The following RPS6KB1 variants were observed in gnomAD, a reference collection of about 807,000 sequenced individuals.
The protein encoded by RPS6KB1 is ribosomal protein S6 kinase beta-1.
In RPS6KB1, 12 loss-of-function variants were observed where a neutral mutation model predicts 70.2. That is an observed-to-expected ratio of 0.17 (90% confidence interval 0.11 to 0.28). The LOEUF is 0.28. RPS6KB1 is among the 10% of genes least tolerant of loss of function. RPS6KB1 has a pLI of 1.00. For synonymous variants in RPS6KB1, 175 were observed against 211.2 expected (o/e 0.83, Z 1.49); for missense variants, 270 against 646.6 (o/e 0.42, Z 6.32).
chr17:59,918,720 T>G (rs1598737071), intron 4 of RPS6KB1, among the ~76,000 whole-genome samples: 1 of 152,170 alleles, frequency 6.6e-6, no homozygotes, highest in Non-Finnish European at 1.5e-5. Context: ...GTTTTACGCA[T>G]GTTCTTTTTT....
chr17:59,909,179 C>T (rs1360953118), intron 1 of RPS6KB1, among the ~76,000 whole-genome samples: 1 of 146,926 alleles, frequency 6.8e-6, no homozygotes, highest in Admixed American at 6.9e-5. Flanking sequence ...CTGCCCGCCT[C>T]GGCCTCCCAA....
chr17:59,910,593 G>C lies in RPS6KB1; in HGVS notation c.173G>C (p.Gly58Ala), dbSNP rs775831949. 1.9e-6 allele frequency: 3 copies of C among 1,592,102 alleles called. No homozygotes were observed. Among genetic ancestry groups the C allele is most frequent in the Non-Finnish European group, 1.7e-6 (2 of 1,166,924 alleles). ...TTAAATGAAAGCATGGACCATGGGG[G>C]AGTTGGACCATATGAACTGTAAGTT... ...GQLNESMDHG[G>A]VGPYELGMEH... The change falls in exon 2 of 15, where the codon GGA becomes GCA. Residue 58 changes from glycine (G) to alanine (A), a missense_variant. Around this residue, in one of 4 missense-constraint regions of RPS6KB1, gnomAD observed 72 missense variants for 93.4 expected, o/e 0.77. Coordinates refer to ENST00000225577, the MANE Select transcript of RPS6KB1 (RefSeq NM_003161.4).
rs1160505259 is a variant in RPS6KB1 at position 59,950,230 on chromosome 17, T to G, written c.*3442T>G. 6.6e-6 allele frequency: 1 copy of G among 152,580 alleles called. No individual in the cohort carries two copies. Among genetic ancestry groups the G allele is most frequent in the Non-Finnish European group, 1.5e-5 (1 of 67,962 alleles). The allele number at this position is 152,580 out of a possible 1,614,324, so 9.5% of individuals were successfully genotyped here. A position where few individuals can be genotyped will look rare whatever the true frequency, so the allele number is the denominator to read the frequency against. ...TGGGTTCATCTATGTTTGTGTTTGC[T>G]CTTTAAACTATTGTTTCTCCTATCC... On this transcript the variant is annotated 3_prime_UTR_variant, in exon 15 of 15. Coordinates refer to ENST00000225577, the MANE Select transcript of RPS6KB1 (RefSeq NM_003161.4).
intron 1 of RPS6KB1, among the ~76,000 whole-genome samples, chr17:59,908,996 G>A (rs1225886265): frequency 2.0e-5 from 3 of 146,554 alleles, no homozygotes; most frequent in Non-Finnish European, 1.5e-5. Flanking sequence ...GCGCGATCTC[G>A]GCTCACTGCC....
chr17:59,896,847 ATGGAAGATT>A (rs1370584822), intron 1 of RPS6KB1, among the ~76,000 whole-genome samples: 1 of 152,082 alleles, frequency 6.6e-6, no homozygotes, highest in African/African-American at 2.4e-5. Context: ...AAGATGGATA[ATGGAAGATT>A]TGGAGTACGA....
intron 4 of RPS6KB1, among the ~76,000 whole-genome samples, chr17:59,915,796 T>TA (rs2042923984): frequency 7.2e-6 from 1 of 138,738 alleles, no homozygotes; most frequent in Non-Finnish European, 1.6e-5. Context: ...TTTTTTTTTT[T>TA]TTTATTGTGA....
At chr17:59,908,598 T>C (rs1300206970) in intron 1 of RPS6KB1, among the ~76,000 whole-genome samples, 1 of 150,592 alleles carries the variant, frequency 6.6e-6, no homozygotes, top group African/African-American at 2.5e-5. Context: ...ACAGTTAAGT[T>C]GTCATGTAAA....
chr17:59,895,973 A>G (rs537015116), intron 1 of RPS6KB1, among the ~76,000 whole-genome samples: 36 of 152,278 alleles, frequency 2.4e-4, no homozygotes, highest in Non-Finnish European at 3.2e-4. Context: ...CAGAATTCCA[A>G]TTAGCCTCTT....
At chr17:59,925,738 A>G (rs924159505) in intron 4 of RPS6KB1, among the ~76,000 whole-genome samples, 4 of 152,182 alleles carry the variant, frequency 2.6e-5, no homozygotes, top group African/African-American at 9.7e-5. Flanking sequence ...TAGATTTCCC[A>G]GACGTATTCT....
intron 4 of RPS6KB1, among the ~76,000 whole-genome samples, chr17:59,923,666 C>T (rs1218519412): frequency 1.4e-4 from 21 of 151,878 alleles, no homozygotes; most frequent in Non-Finnish European, 1.3e-4. Context: ...CCTGCCACCA[C>T]GCCCGGCTAA....
intron 2 of RPS6KB1, chr17:59,912,306 A>G (rs2042692353): frequency 4.4e-6 from 1 of 227,932 alleles, no homozygotes; most frequent in Non-Finnish European, 9.1e-6. Context: ...TACGGCCTCA[A>G]TATGTGCGCC....
intron 1 of RPS6KB1, among the ~76,000 whole-genome samples, chr17:59,894,832 T>C (rs1373390438): frequency 1.3e-5 from 2 of 152,128 alleles, no homozygotes; most frequent in Non-Finnish European, 2.9e-5. Context: ...CTCGGACTCC[T>C]GACCTCAAAT....
At chr17:59,920,140 C>T (rs2043185887) in intron 4 of RPS6KB1, among the ~76,000 whole-genome samples, 1 of 151,780 alleles carries the variant, frequency 6.6e-6, no homozygotes, top group African/African-American at 2.4e-5. Context: ...GCCTCAACCT[C>T]CTGAGTAGCT....
intron 12 of RPS6KB1, among the ~76,000 whole-genome samples, chr17:59,940,010 T>C (rs1236292984): frequency 2.0e-5 from 3 of 152,206 alleles, no homozygotes; most frequent in Non-Finnish European, 2.9e-5. Context: ...CCATGCAGAA[T>C]AGAAAATTAT....
Position 59,947,797 on chromosome 17 carries a change from G to A in RPS6KB1, c.*1009G>A, listed in dbSNP as rs1257316226. On this transcript the variant is annotated 3_prime_UTR_variant, in exon 15 of 15. Transcript: ENST00000225577. ...AGGATAAAAAATACATACTGTGGTC[G>A]GCAAGGTGAGGGAGATAGGGATATC... The A allele has an allele frequency of 9.6e-6, 5 of 521,650 alleles. No homozygotes were observed. The East Asian group carries it at 1.3e-4, about 13-fold the overall frequency. The allele number at this position is 521,650 out of a possible 1,614,324, so 32.3% of individuals were successfully genotyped here.
chr17:59,913,476 C>A (rs1036556243), intron 3 of RPS6KB1, among the ~76,000 whole-genome samples: 4 of 152,144 alleles, frequency 2.6e-5, no homozygotes, highest in African/African-American at 9.7e-5. Context: ...ATTGTAATTT[C>A]TAATCATCCT....
intron 10 of RPS6KB1, among the ~76,000 whole-genome samples, 172 bp from the exon 11 acceptor site, chr17:59,936,043 G>T (rs984957741): frequency 6.6e-6 from 1 of 151,944 alleles, no homozygotes. Context: ...CCAACCTCAG[G>T]TGATCCACCT....
At chr17:59,935,537 C>T (rs1296784780) in intron 10 of RPS6KB1, among the ~76,000 whole-genome samples, 2 of 151,350 alleles carry the variant, frequency 1.3e-5, no homozygotes, top group South Asian at 2.1e-4. Context: ...TGCAGTGGTG[C>T]GATCTTGGCT....
intron 4 of RPS6KB1, among the ~76,000 whole-genome samples, chr17:59,915,874 C>T (rs1451418584): frequency 1.2e-4 from 18 of 149,244 alleles, no homozygotes; most frequent in African/African-American, 4.5e-4. Flanking sequence ...CAACCTCCGC[C>T]TCCCAGGTTC....
Sources: gnomAD v4.1 joint callset for allele counts (sites outside exome capture counted in the v4.1 genomes callset) on GRCh38, gnomAD v4.1.1 for gene constraint, gnomAD v4.1.1 regional missense constraint, MANE v1.5 for transcripts, NCBI Gene and HGNC (gene_info 2026-07-23, HGNC 2026-07-21) for gene names.